CFAP61: variants seen among roughly 807,000 people sequenced by gnomAD.
CFAP61 encodes the protein cilia- and flagella-associated protein 61.
Under a neutral mutation model 135.6 loss-of-function variants are expected in CFAP61, and 107 were observed. The observed-to-expected ratio is 0.79, with a 90% confidence interval of 0.67 to 0.93. The LOEUF (loss-of-function observed/expected upper bound fraction) is 0.93. Among genes scored for constraint, CFAP61 ranks in the 40% least tolerant of loss-of-function variants. The pLI, the probability that CFAP61 is intolerant of heterozygous loss-of-function variation, is 0.00. For synonymous variants in CFAP61, 575 were observed against 578.5 expected, an observed-to-expected ratio of 0.99 and a Z score of 0.09; for missense variants, 1,507 against 1,556.2, an observed-to-expected ratio of 0.97 and a Z score of 0.53.
intron 2 of CFAP61, among the ~76,000 whole-genome samples, chr20:20,058,706 T>G (rs2044561384): frequency 6.6e-6 from 1 of 152,220 alleles, no homozygotes; most frequent in Non-Finnish European, 1.5e-5. Flanking sequence ...TAATTATTTA[T>G]GTGGTCCAAA....
At chr20:20,153,772 A>G (rs1240476257) in intron 9 of CFAP61, among the ~76,000 whole-genome samples, 7 of 152,212 alleles carry the variant, frequency 4.6e-5, no homozygotes, top group African/African-American at 7.2e-5. Context: ...GCTGAATTCT[A>G]TCAGGCATTC....
intron 13 of CFAP61, among the ~76,000 whole-genome samples, chr20:20,182,841 G>GA (rs1384591970): frequency 3.9e-5 from 6 of 152,220 alleles, no homozygotes; most frequent in African/African-American, 7.2e-5. Context: ...CACATACTGT[G>GA]AAAATGCTTT....
rs115758057 is a variant in CFAP61 at position 20,169,582 on chromosome 20, G to A, written c.1385+122G>A. ...TAAATATCATCTTTTATTAGAAGAG[G>A]TCTTGAGTAAGTGATTTTAACTAAT... On this transcript the variant is annotated intron_variant, in intron 13 of 26. Coordinates refer to ENST00000245957, the MANE Select transcript of CFAP61 (RefSeq NM_015585.4). 99 of 878,162 alleles carry A rather than the reference G, an allele frequency of 1.1e-4. No homozygotes were observed. The African/African-American group carries it at 1.6e-3, about 14-fold the overall frequency. The allele number at this position is 878,162 out of a possible 1,614,324, so 54.4% of individuals were successfully genotyped here. A position where few individuals can be genotyped will look rare whatever the true frequency, so the allele number is the denominator to read the frequency against.
At chr20:20,296,806 A>T (rs2055664338) in intron 24 of CFAP61, among the ~76,000 whole-genome samples, 1 of 152,182 alleles carries the variant, frequency 6.6e-6, no homozygotes, top group African/African-American at 2.4e-5. Flanking sequence ...TACTGTGAAT[A>T]TATCTCCCTG....
chr20:20,327,683 A>G (rs1377574695), intron 25 of CFAP61, among the ~76,000 whole-genome samples: 1 of 149,688 alleles, frequency 6.7e-6, no homozygotes, highest in Non-Finnish European at 1.5e-5. Flanking sequence ...ATCTTCCCCA[A>G]GAGGAAGTGG....
chr20:20,271,073 C>T, intron 21 of CFAP61, among the ~76,000 whole-genome samples: 1 of 152,200 alleles, frequency 6.6e-6, no homozygotes, highest in East Asian at 1.9e-4. Flanking sequence ...GAGAGGATCA[C>T]TTGAAGCCAG....
chr20:20,258,065 T>C (rs2051801975), intron 20 of CFAP61, among the ~76,000 whole-genome samples: 1 of 152,208 alleles, frequency 6.6e-6, no homozygotes, highest in African/African-American at 2.4e-5. Context: ...GTGAGTGTCA[T>C]GGGTGGATTA....
At chr20:20,273,041 A>ATTTTT (rs998055743) in intron 21 of CFAP61, among the ~76,000 whole-genome samples, 179 of 127,344 alleles carry the variant, frequency 1.4e-3, no homozygotes, top group African/African-American at 5.0e-3. Context: ...GCCATGCTTA[A>ATTTTT]TTTTTTTTTT....
At chr20:20,351,142 A>G (rs1199529705) in intron 26 of CFAP61, among the ~76,000 whole-genome samples, 2 of 152,206 alleles carry the variant, frequency 1.3e-5, no homozygotes, top group African/African-American at 4.8e-5. Flanking sequence ...AACACATCCA[A>G]CTAGGAAAGG....
At chr20:20,165,645 G>A (rs1015414949) in intron 11 of CFAP61, among the ~76,000 whole-genome samples, 3 of 151,994 alleles carry the variant, frequency 2.0e-5, no homozygotes, top group South Asian at 2.1e-4. Context: ...GAACCATCTC[G>A]AAGAGGAAAT....
chr20:20,052,552 G>C lies in CFAP61; in HGVS notation c.-76G>C. 2.5e-6 allele frequency: 4 copies of C among 1,614,134 alleles called. No homozygotes were observed. Among genetic ancestry groups the C allele is most frequent in the Non-Finnish European group, 3.4e-6 (4 of 1,180,018 alleles). Reference sequence around the variant, plus strand: ...TGACCAGGCTGCGCGTCCTCCTTGCGGCAGCGCGTGGAGTGCGGCGTCCTG... The same window carrying C: ...TGACCAGGCTGCGCGTCCTCCTTGCCGCAGCGCGTGGAGTGCGGCGTCCTG... On this transcript the variant is annotated 5_prime_UTR_variant, in exon 1 of 27. Transcript: ENST00000245957.
intron 2 of CFAP61, among the ~76,000 whole-genome samples, chr20:20,065,188 G>T (rs753435948): frequency 6.6e-6 from 1 of 152,152 alleles, no homozygotes; most frequent in African/African-American, 2.4e-5. Context: ...TGGTATAAAT[G>T]TGAAAAACAT....
intron 8 of CFAP61, among the ~76,000 whole-genome samples, chr20:20,134,393 G>A (rs1457389203): frequency 6.6e-6 from 1 of 152,190 alleles, no homozygotes; most frequent in Non-Finnish European, 1.5e-5. Context: ...AGTGGCAGGA[G>A]ACAAAGCAGG....
intron 13 of CFAP61, among the ~76,000 whole-genome samples, chr20:20,180,058 A>T (rs757062820): frequency 2.6e-5 from 4 of 152,254 alleles, no homozygotes; most frequent in Non-Finnish European, 5.9e-5. Flanking sequence ...ACAGCAAAGG[A>T]AACTGTCCAC....
chr20:20,054,020 T>G (rs1489588128), intron 1 of CFAP61, among the ~76,000 whole-genome samples: 27 of 149,880 alleles, frequency 1.8e-4, no homozygotes, highest in Non-Finnish European at 5.9e-5. Flanking sequence ...TTTGTTTTTT[T>G]TTTTTTTTTT....
At chr20:20,349,637 G>A (rs6035608) in intron 26 of CFAP61, among the ~76,000 whole-genome samples, 99,437 of 152,076 alleles carry the variant, frequency 0.65, 32,801 homozygotes, top group East Asian at 0.87. Flanking sequence ...AACAATTATA[G>A]TTATTATAAT....
At chr20:20,126,612 A>T (rs901102029) in intron 8 of CFAP61, among the ~76,000 whole-genome samples, 9 of 151,866 alleles carry the variant, frequency 5.9e-5, no homozygotes, top group Admixed American at 5.9e-4. Context: ...TTTCCTTTAT[A>T]GGCTATCTGG....
At chr20:20,270,198 A>G (rs1254232227) in intron 21 of CFAP61, among the ~76,000 whole-genome samples, 1 of 152,212 alleles carries the variant, frequency 6.6e-6, no homozygotes, top group East Asian at 1.9e-4. Flanking sequence ...TATTGTGTGC[A>G]TAAATCCTGA....
chr20:20,285,084 T>G (rs889930167), intron 22 of CFAP61, among the ~76,000 whole-genome samples: 1 of 152,208 alleles, frequency 6.6e-6, no homozygotes, highest in African/African-American at 2.4e-5. Context: ...AGGTTATTTT[T>G]TCCCAGCACT....
Sources: allele counts gnomAD v4.1 joint callset (sites outside exome capture counted in the v4.1 genomes callset), GRCh38; gene constraint gnomAD v4.1.1; transcripts MANE v1.5; gene names NCBI Gene and HGNC (gene_info 2026-07-23, HGNC 2026-07-21).